N4BP2L2: variants seen among roughly 807,000 people sequenced by gnomAD.
N4BP2L2 encodes the protein NEDD4 binding protein 2 like 2.
Under a neutral mutation model 56.2 loss-of-function variants are expected in N4BP2L2, and 50 were observed. That is an observed-to-expected ratio of 0.89 (90% CI 0.71 to 1.13). The LOEUF is 1.13. N4BP2L2 is among the 50% of genes most tolerant of loss of function. The pLI, the probability that N4BP2L2 is intolerant of heterozygous loss-of-function variation, is 0.00. For synonymous variants in N4BP2L2, 203 were observed against 223.6 expected (o/e 0.91, Z 0.82); for missense variants, 689 against 693.8 (o/e 0.99, Z 0.08).
At chr13:32,535,673 G>A in intron 2 of N4BP2L2, 96 bp downstream of exon 2, 1 of 1,357,872 alleles carries the variant, frequency 7.4e-7, no homozygotes, top group South Asian at 1.4e-5. Flanking sequence ...CAAAGTGTTG[G>A]GATTACATGC....
At chr13:32,441,011 C>T (rs1375215563) in intron 7 of N4BP2L2, among the ~76,000 whole-genome samples, 7 of 151,580 alleles carry the variant, frequency 4.6e-5, no homozygotes, top group African/African-American at 7.3e-5. Flanking sequence ...CACGCCACCA[C>T]GCCCGGCTAA....
intron 1 of N4BP2L2, 130 bp downstream of exon 1, chr13:32,538,488 C>T (rs2057199533): frequency 2.1e-6 from 1 of 472,296 alleles, no homozygotes; most frequent in African/African-American, 2.1e-5. Flanking sequence ...TTCTGGAGGT[C>T]TCTGAGGCGC....
intron 2 of N4BP2L2, among the ~76,000 whole-genome samples, chr13:32,528,072 A>G (rs1360774255): frequency 1.3e-5 from 2 of 152,158 alleles, no homozygotes; most frequent in African/African-American, 4.8e-5. Flanking sequence ...GCCTGGCCAT[A>G]ACAAAAACTT....
intron 6 of N4BP2L2, among the ~76,000 whole-genome samples, chr13:32,445,920 C>A: frequency 6.6e-6 from 1 of 152,184 alleles, no homozygotes; most frequent in South Asian, 2.1e-4. Flanking sequence ...CCTGGATAAT[C>A]AGAGTCAGGG....
intron 6 of N4BP2L2, among the ~76,000 whole-genome samples, chr13:32,466,230 T>C (rs1175911182): frequency 6.6e-6 from 1 of 152,188 alleles, no homozygotes; most frequent in Non-Finnish European, 1.5e-5. Context: ...GAACTACTAA[T>C]ATCTGCATTA....
chr13:32,443,736 C>T, exon 7 of N4BP2L2: 1 of 1,573,208 alleles, frequency 6.4e-7, no homozygotes, highest in Non-Finnish European at 8.6e-7. Flanking sequence ...TTTCATTTGG[C>T]CTCAGTAACA....
intron 6 of N4BP2L2, among the ~76,000 whole-genome samples, chr13:32,489,590 T>C (rs2086609910): frequency 1.3e-5 from 2 of 152,220 alleles, no homozygotes; most frequent in South Asian, 2.1e-4. Flanking sequence ...GCTTCAAATA[T>C]GGAAAAGAGT....
chr13:32,474,186 G>T (rs988502661), intron 6 of N4BP2L2, among the ~76,000 whole-genome samples: 1 of 151,988 alleles, frequency 6.6e-6, no homozygotes, highest in Non-Finnish European at 1.5e-5. Flanking sequence ...AACTTATATA[G>T]ATATTCATAT....
intron 6 of N4BP2L2, among the ~76,000 whole-genome samples, chr13:32,466,293 G>A (rs703212): frequency 0.16 from 24,277 of 152,072 alleles, 2,387 homozygotes; most frequent in South Asian, 0.3. Context: ...GAGGCCAGGC[G>A]TGGTGGCTCA....
In N4BP2L2 at chr13:32,461,629, TCTCA is replaced by T. The variant is rs557502013; in HGVS notation, c.366-17507_366-17504del. Among the ~76,000 whole-genome samples the T allele has an allele frequency of 8.4e-3, 1,272 of 152,228 alleles. 23 individuals are homozygous for T. The highest frequency in any genetic ancestry group is 0.028 in the African/African-American group (1,145 of 41,534). ...CTATTATTATTATTTAGAGACAGGGTCTCACTCTGTTGCCCAGGCTGGAGTGGCA... is the reference window on the plus strand; with the variant it reads ...CTATTATTATTATTTAGAGACAGGGTCTCTGTTGCCCAGGCTGGAGTGGCA... On this transcript the variant is annotated intron_variant, in intron 6 of 9. Transcript: ENST00000357505.
At chr13:32,500,544 T>TGCAA (rs201197139) in intron 6 of N4BP2L2, among the ~76,000 whole-genome samples, 5 of 71,542 alleles carry the variant, frequency 7.0e-5, no homozygotes, top group African/African-American at 2.9e-4. Flanking sequence ...ATCCTGTCTC[T>TGCAA]ACAAAAAAAA....
chr13:32,521,538 T>C (rs2050911966), intron 4 of N4BP2L2, 89 bp from the exon 5 acceptor site: 11 of 819,660 alleles, frequency 1.3e-5, no homozygotes, highest in Non-Finnish European at 2.2e-5. Flanking sequence ...ATTTCGACAA[T>C]ACTATACACT....
At chr13:32,531,668 C>T (rs1419302928) in intron 2 of N4BP2L2, among the ~76,000 whole-genome samples, 2 of 152,100 alleles carry the variant, frequency 1.3e-5, no homozygotes, top group Non-Finnish European at 2.9e-5. Context: ...GTTAAGGAGA[C>T]CTACCTCCTT....
At chr13:32,516,825 T>C in exon 6 of N4BP2L2, 1 of 845,520 alleles carries the variant, frequency 1.2e-6, no homozygotes. Flanking sequence ...GAGAAATGCT[T>C]AATTATCTAG....
At chr13:32,447,895 G>A (rs1049002589) in intron 6 of N4BP2L2, among the ~76,000 whole-genome samples, 1 of 152,148 alleles carries the variant, frequency 6.6e-6, no homozygotes, top group South Asian at 2.1e-4. Flanking sequence ...ACTGGACCAT[G>A]AAAGAATAAA....
At chr13:32,446,628 C>T (rs983397486) in intron 6 of N4BP2L2, 2 of 875,908 alleles carry the variant, frequency 2.3e-6, no homozygotes, top group African/African-American at 3.5e-5. Flanking sequence ...TAGTCACTGT[C>T]CCTCAGAACA....
At chr13:32,457,141 AAACAAC>A (rs936256928) in intron 6 of N4BP2L2, among the ~76,000 whole-genome samples, 3 of 152,176 alleles carry the variant, frequency 2.0e-5, no homozygotes, top group South Asian at 2.1e-4. Context: ...TCCATCTCAA[AAACAAC>A]AACAACAACA....
chr13:32,518,491 A>C (rs2049829160), intron 5 of N4BP2L2, among the ~76,000 whole-genome samples: 1 of 152,194 alleles, frequency 6.6e-6, no homozygotes, highest in Non-Finnish European at 1.5e-5. Flanking sequence ...ATGTTGAGTG[A>C]AATAAATTAG....
intron 6 of N4BP2L2, among the ~76,000 whole-genome samples, chr13:32,499,819 C>T (rs1245217772): frequency 2.6e-5 from 4 of 152,160 alleles, no homozygotes; most frequent in Admixed American, 6.5e-5. Flanking sequence ...TAGTCCAATT[C>T]TGTACCTTTA....
Sources: gnomAD v4.1 joint callset for allele counts (sites outside exome capture counted in the v4.1 genomes callset) on GRCh38, gnomAD v4.1.1 for gene constraint, MANE v1.5 for transcripts, NCBI Gene and HGNC (gene_info 2026-07-23, HGNC 2026-07-21) for gene names.